Variants in CAD observed in about 807,000 individuals in gnomAD.
The protein encoded by CAD is multifunctional protein CAD.
In CAD, 81 loss-of-function variants were observed where a neutral mutation model predicts 237.2. The ratio of observed to expected loss-of-function variants is 0.34; its 90% CI spans 0.29 to 0.41. CAD has a LOEUF of 0.41. Among genes scored for constraint, CAD ranks in the 10% least tolerant of loss-of-function variants. The probability of loss-of-function intolerance (pLI) is 1.00; values close to 1 mark genes in which losing one functional copy is unlikely to be tolerated. For synonymous variants in CAD, 1,196 were observed against 1,162.8 expected, an observed-to-expected ratio of 1.03 and a Z score of -0.58; for missense variants, 2,181 against 2,951.7, an observed-to-expected ratio of 0.74 and a Z score of 6.05.
At chr2:27,223,402 G>C (rs1299241196) in intron 6 of CAD, among the ~76,000 whole-genome samples, 161 bp from the exon 7 acceptor site, 1 of 148,364 alleles carries the variant, frequency 6.7e-6, no homozygotes, top group Admixed American at 6.7e-5. Flanking sequence ...TTGCCCTCCA[G>C]CCCGGGAAAC....
chr2:27,225,105 G>C lies in CAD; in HGVS notation c.1482G>C (p.Leu494=). The part of the protein sequence containing the change: ...CGVELTKAGV[L]ARYGVRVLGT... ...TGGAGCTGACCAAGGCCGGGGTGCT[G>C]GCTCGGTATGGGGTCCGGGTCCTGG... Residue 494 remains leucine (L), a synonymous_variant, in exon 11 of 44, where the codon CTG becomes CTC. Transcript: ENST00000264705. The C allele has an allele frequency of 6.2e-7, 1 of 1,614,158 alleles. No homozygotes were observed. Among genetic ancestry groups the C allele is most frequent in the Non-Finnish European group, 8.5e-7 (1 of 1,180,030 alleles).
At chr2:27,221,407 C>CT in intron 3 of CAD, 60 bp downstream of exon 3, 2 of 1,385,800 alleles carry the variant, frequency 1.4e-6, no homozygotes. Flanking sequence ...TGGAAAGAAT[C>CT]AAGGTTTCTG....
At chr2:27,221,951 C>T (rs911741747) in intron 3 of CAD, among the ~76,000 whole-genome samples, 2 of 148,698 alleles carry the variant, frequency 1.3e-5, no homozygotes, top group African/African-American at 5.0e-5. Context: ...TTAGCGTATT[C>T]TTTTTTTCCC....
rs542073634 is a variant in CAD at position 27,225,198 on chromosome 2, C to T, written c.1575C>T (p.Ile525=). The change falls in exon 11 of 44, where the codon ATC becomes ATT. Residue 525 remains isoleucine, a synonymous_variant. Transcript: ENST00000264705. The part of the protein sequence containing the change: ...RRAFAARMAE[I]GEHVAPSEAA... ...CCTTTGCTGCCAGAATGGCAGAGAT[C>T]GGAGAGCATGTGGCCCCGAGCGAGG... is the stretch of plus-strand genomic sequence containing the variant. The T allele has an allele frequency of 3.7e-6, 6 of 1,613,296 alleles. No homozygotes were observed. The highest frequency in any genetic ancestry group is 3.3e-5 in the Admixed American group (2 of 59,926).
In CAD at chr2:27,235,784, G is replaced by C. The variant is rs1444776122; in HGVS notation, c.4074+144G>C. 3 of 663,180 alleles carry C rather than the reference G, an allele frequency of 4.5e-6. No individual in the cohort carries two copies. Among genetic ancestry groups the C allele is most frequent in the Non-Finnish European group, 7.7e-6 (3 of 387,870 alleles). The allele number at this position is 663,180 out of a possible 1,614,324, so 41.1% of individuals were successfully genotyped here. On this transcript the variant is annotated intron_variant, in intron 25 of 43. Transcript: ENST00000264705. The surrounding 1 kb of genome is among the most constrained non-coding windows in gnomAD (Gnocchi z 5.2). Reference sequence around the variant, plus strand: ...GGAGGCTAAGGCAGGAGAATCTCTTGAGCCCAGGAGGTAGAGGCTGCAGTG... The same window carrying C: ...GGAGGCTAAGGCAGGAGAATCTCTTCAGCCCAGGAGGTAGAGGCTGCAGTG...
rs746920707 is a variant in CAD, at chr2:27,217,939, A to T, written c.145A>T (p.Ile49Phe). ...CACTGATCCCTCCTACAAGGCACAG[A>T]TCTTAGTGCTCACCTATCCTCTGAT... ...ALTDPSYKAQILVLTYPLIGN... is the reference protein window; with the variant it reads ...ALTDPSYKAQFLVLTYPLIGN... Residue 49 changes from isoleucine (I) to phenylalanine (F), a missense_variant, in exon 2 of 44, where the codon ATC (isoleucine) becomes TTC (phenylalanine). Physicochemically the swap from Ile to Phe is conservative, Grantham distance 21. Transcript: ENST00000264705. The T allele has an allele frequency of 1.4e-5, 22 of 1,613,354 alleles. No homozygotes were observed. Among genetic ancestry groups the T allele is most frequent in the Non-Finnish European group, 1.9e-5 (22 of 1,179,578 alleles).
chr2:27,239,706 C>A lies in CAD; in HGVS notation c.5404C>A (p.Pro1802Thr). The change falls in exon 34 of 44, where the codon CCC (proline) becomes ACC (threonine). Residue 1802 changes from proline to threonine, a missense_variant. Pro to Thr is a conservative substitution (Grantham distance 38, BLOSUM62 -1). This residue lies in a region of CAD where 478 missense variants were observed against 515.0 expected (regional missense o/e 0.93). Coordinates refer to ENST00000264705, the MANE Select transcript of CAD (RefSeq NM_004341.5). The surrounding 1 kb of genome is among the most constrained non-coding windows in gnomAD (Gnocchi z 4.0). ...TGCCTTCTGCCTGCAGGTTCTGGTA[C>A]CCCCGGGCTATGGACAGGATGTACG... ...VAYIDGQVLV[P>T]PGYGQDVRKW... 1 of 1,586,262 alleles carries A rather than the reference C, an allele frequency of 6.3e-7. No homozygotes were observed. The highest frequency in any genetic ancestry group is 8.6e-7 in the Non-Finnish European group (1 of 1,164,408).
chr2:27,240,882 GTA>G lies in CAD; in HGVS notation c.5594-25_5594-24del. 6.2e-7 allele frequency: 1 copy of G among 1,612,982 alleles called. No homozygotes were observed. The highest frequency in any genetic ancestry group is 8.5e-7 in the Non-Finnish European group (1 of 1,178,968). ...TTCTTTCCAAACCTCAGCCATAAAT[GTA>G]TATCTGTCCTCTTGTCCTGTTTGCA... On this transcript the variant is annotated intron_variant, in intron 35 of 43. Transcript: ENST00000264705. The surrounding 1 kb of genome is among the most constrained non-coding windows in gnomAD (Gnocchi z 4.6).
Position 27,232,913 on chromosome 2 carries a change from G to C in CAD, c.2893-129G>C, listed in dbSNP as rs1252346542. The C allele has an allele frequency of 3.7e-6, 3 of 810,276 alleles. No homozygotes were observed. The highest frequency in any genetic ancestry group is 6.3e-6 in the Non-Finnish European group (3 of 479,924). 50.2% of individuals were successfully genotyped at this position (810,276 alleles called of 1,614,324 possible). ...CCTTCCCTCCCAAGGCAGGGGTCCT[G>C]TACAGCTCTTTCAGAGGAAGCTGTG... On this transcript the variant is annotated intron_variant, in intron 18 of 43. Transcript: ENST00000264705. This position sits in a 1 kb window ranked among gnomAD's most constrained non-coding sequence, Gnocchi z 4.1.
At position 27,217,965 on chromosome 2, in the gene CAD, C is replaced by G; in HGVS notation, c.171C>G (p.Ile57Met). The G allele has an allele frequency of 1.2e-6, 2 of 1,612,718 alleles. No homozygotes were observed. The highest frequency in any genetic ancestry group is 1.3e-5 in the African/African-American group (1 of 74,976). Reference protein sequence around the residue: ...AQILVLTYPLIGNYGIPPDEM... With the variant: ...AQILVLTYPLMGNYGIPPDEM... ...TCTTAGTGCTCACCTATCCTCTGATCGGCAACTATGGCATCCCCCCAGATG... is the reference window on the plus strand; with the variant it reads ...TCTTAGTGCTCACCTATCCTCTGATGGGCAACTATGGCATCCCCCCAGATG... The change falls in exon 2 of 44, where the codon ATC (isoleucine) becomes ATG (methionine). Residue 57 changes from isoleucine (I) to methionine (M), a missense_variant. Physicochemically the swap from Ile to Met is conservative, Grantham distance 10 (BLOSUM62 1). Coordinates refer to ENST00000264705, the MANE Select transcript of CAD (RefSeq NM_004341.5).
In CAD at chr2:27,241,926, T is replaced by A. The variant is rs976205117; in HGVS notation, c.5899T>A (p.Ser1967Thr). 1 of 1,613,114 alleles carries A rather than the reference T, an allele frequency of 6.2e-7. No homozygotes were observed. Among genetic ancestry groups the A allele is most frequent in the Non-Finnish European group, 8.5e-7 (1 of 1,179,594 alleles). The change falls in exon 39 of 44, where the codon TCC (serine) becomes ACC (threonine). Residue 1967 changes from serine (S) to threonine (T), a missense_variant. By Grantham distance (58) the Ser-to-Thr change is moderately conservative. This residue lies in a region of CAD where 203 missense variants were observed against 284.5 expected (regional missense o/e 0.71). Coordinates refer to ENST00000264705, the MANE Select transcript of CAD (RefSeq NM_004341.5). This position sits in a 1 kb window ranked among gnomAD's most constrained non-coding sequence, Gnocchi z 4.6. ...CTTTCCCTAGGGGAAGGTCATGGCC[T>A]CCATGTTCTATGAAGTGAGCACACG... is the stretch of plus-strand genomic sequence containing the variant. ...LDILKGKVMA[S>T]MFYEVSTRTS...
chr2:27,236,636 G>C lies in CAD; in HGVS notation c.4314+113G>C. 1 of 1,551,002 alleles carries C rather than the reference G, an allele frequency of 6.4e-7. No individual in the cohort carries two copies. The highest frequency in any genetic ancestry group is 1.7e-5 in the Admixed American group (1 of 59,508). Reference sequence around the variant, plus strand: ...AGTAATAAAGCTTTGTGGCTACAGAGGGAGAGATGGTGGGTATAGAGTGTG... The same window carrying C: ...AGTAATAAAGCTTTGTGGCTACAGACGGAGAGATGGTGGGTATAGAGTGTG... On this transcript the variant is annotated intron_variant, in intron 26 of 43. Coordinates refer to ENST00000264705, the MANE Select transcript of CAD (RefSeq NM_004341.5). This position sits in a 1 kb window ranked among gnomAD's most constrained non-coding sequence, Gnocchi z 4.1.
intron 11 of CAD, 39 bp downstream of exon 11, chr2:27,225,282 T>G: frequency 7.9e-7 from 1 of 1,264,102 alleles, no homozygotes; most frequent in Non-Finnish European, 1.1e-6. Flanking sequence ...ATGGTGGTGT[T>G]TTTTTTGGTA....
intron 4 of CAD, 27 bp from the exon 5 acceptor site, chr2:27,222,492 G>A: frequency 6.2e-7 from 1 of 1,610,608 alleles, no homozygotes; most frequent in Non-Finnish European, 8.5e-7. Flanking sequence ...GCTGCCAACT[G>A]TTGCCCTTTA....
chr2:27,229,962 G>T (rs905589801), intron 15 of CAD, among the ~76,000 whole-genome samples: 1 of 152,118 alleles, frequency 6.6e-6, no homozygotes, highest in Non-Finnish European at 1.5e-5. Flanking sequence ...AGTTGGTTGG[G>T]CGCAGTGGCA....
intron 6 of CAD, 123 bp from the exon 7 acceptor site, chr2:27,223,440 A>C (rs1233149609): frequency 1.6e-5 from 15 of 960,652 alleles, no homozygotes; most frequent in Admixed American, 4.9e-5. Flanking sequence ...CAAAAAAAAA[A>C]AAAAAACAAA....
Position 27,232,227 on chromosome 2 carries a change from C to T in CAD, c.2645+3C>T, listed in dbSNP as rs2148076537. ...CAGATTGCCCTTGCAGTTCTGAGGT[C>T]AGAGGTGGCAATGAGAGCTTCCGGC... is the stretch of plus-strand genomic sequence containing the variant. On this transcript the variant is annotated splice_donor_region_variant and intron_variant, in intron 17 of 43. Coordinates refer to ENST00000264705, the MANE Select transcript of CAD (RefSeq NM_004341.5). This position sits in a 1 kb window ranked among gnomAD's most constrained non-coding sequence, Gnocchi z 4.1. 6.2e-7 allele frequency: 1 copy of T among 1,613,458 alleles called. No homozygotes were observed. The highest frequency in any genetic ancestry group is 8.5e-7 in the Non-Finnish European group (1 of 1,179,754).
chr2:27,243,385 A>G (rs1447427864), intron 43 of CAD, 31 bp from the exon 44 acceptor site: 1 of 1,504,918 alleles, frequency 6.6e-7, no homozygotes, highest in Non-Finnish European at 9.1e-7. Flanking sequence ...GCACGATAAC[A>G]CTTCCTTTTT....
chr2:27,223,496 C>A, intron 6 of CAD, 67 bp from the exon 7 acceptor site: 1 of 1,393,478 alleles, frequency 7.2e-7, no homozygotes, highest in Non-Finnish European at 1.0e-6. Flanking sequence ...TCGGTGAGAG[C>A]TGGGGTAGGT....
Sources: allele counts gnomAD v4.1 joint callset (sites outside exome capture counted in the v4.1 genomes callset), GRCh38; gene constraint gnomAD v4.1.1; regional missense constraint gnomAD v4.1.1; non-coding constraint Gnocchi (gnomAD v3.1); transcripts MANE v1.5; gene names NCBI Gene and HGNC (gene_info 2026-07-23, HGNC 2026-07-21).